The following FBN2 variants were observed in gnomAD, a reference collection of about 807,000 sequenced individuals.
The protein encoded by FBN2 is fibrillin-2.
In FBN2, 105 loss-of-function variants were observed where a neutral mutation model predicts 355.6. That is an observed-to-expected ratio of 0.30 (90% CI 0.25 to 0.35). The LOEUF (loss-of-function observed/expected upper bound fraction) is 0.35, where lower values mean the gene tolerates loss of function less well. Ranked by LOEUF, FBN2 falls within the 10% of genes least tolerant of loss-of-function variation. The pLI, the probability that FBN2 is intolerant of heterozygous loss-of-function variation, is 1.00. For synonymous variants in FBN2, 1,350 were observed against 1,301.2 expected, an observed-to-expected ratio of 1.04 and a Z score of -0.81; for missense variants, 3,280 against 3,758.7, an observed-to-expected ratio of 0.87 and a Z score of 3.33.
At chr5:128,424,590 T>C (rs188456496) in intron 7 of FBN2, among the ~76,000 whole-genome samples, 60 of 152,312 alleles carry the variant, frequency 3.9e-4, no homozygotes, top group Admixed American at 2.9e-3. Flanking sequence ...CTCTTTTCTA[T>C]TGTTATTAGT....
intron 4 of FBN2, 62 bp from the exon 5 acceptor site, chr5:128,519,430 G>A: frequency 8.4e-7 from 1 of 1,186,948 alleles, no homozygotes; most frequent in Admixed American, 1.7e-5. Flanking sequence ...ATATAGTAGT[G>A]CAGTGATGCT....
intron 62 of FBN2, among the ~76,000 whole-genome samples, chr5:128,264,948 T>A (rs188519148): frequency 6.6e-6 from 1 of 152,336 alleles, no homozygotes. Context: ...ATTAGGAACA[T>A]TTTTGTATCA....
chr5:128,489,101 G>T (rs1362448087), intron 5 of FBN2, among the ~76,000 whole-genome samples: 1 of 147,020 alleles, frequency 6.8e-6, no homozygotes, highest in East Asian at 1.9e-4. Flanking sequence ...GGTTGAACTA[G>T]TTTACAGTCC....
chr5:128,528,164 G>T (rs1284281514), intron 3 of FBN2, among the ~76,000 whole-genome samples, 197 bp from the exon 4 acceptor site: 1 of 152,110 alleles, frequency 6.6e-6, no homozygotes, highest in Non-Finnish European at 1.5e-5. Flanking sequence ...GTGATAACAT[G>T]TTTTTCAGGA....
At chr5:128,509,818 C>T (rs1375097084) in intron 5 of FBN2, among the ~76,000 whole-genome samples, 2 of 152,168 alleles carry the variant, frequency 1.3e-5, no homozygotes, top group African/African-American at 4.8e-5. Flanking sequence ...ATTGAGGCAA[C>T]ACTATTCTGA....
At chr5:128,449,555 G>A (rs1267666539) in intron 6 of FBN2, among the ~76,000 whole-genome samples, 2 of 150,532 alleles carry the variant, frequency 1.3e-5, no homozygotes, top group Non-Finnish European at 3.0e-5. Flanking sequence ...AATAAGCAGA[G>A]ATATAGCTAA....
intron 2 of FBN2, among the ~76,000 whole-genome samples, chr5:128,533,582 G>A (rs977699122): frequency 1.3e-5 from 2 of 152,174 alleles, no homozygotes; most frequent in African/African-American, 4.8e-5. Context: ...AGAATACATA[G>A]TACCCAAAAG....
intron 5 of FBN2, among the ~76,000 whole-genome samples, chr5:128,478,756 G>A (rs1029009652): frequency 1.3e-5 from 2 of 152,142 alleles, no homozygotes; most frequent in Non-Finnish European, 2.9e-5. Context: ...GCCAAAACAG[G>A]ATTCTGTGGT....
At position 128,537,577 on chromosome 5, in the gene FBN2, G is replaced by C. The variant is rs369714882; in HGVS notation, c.27C>G (p.Leu9=). ...AGCCCAGCCACAGGAAGTAGAGCTG[G>C]AGACACAGCCTCCGTCTTCTCCCCA... MGRRRRLC[L]QLYFLWLGCV... The change falls in exon 1 of 65, where the codon CTC becomes CTG. Residue 9 remains leucine, a synonymous_variant. Coordinates refer to ENST00000262464, the MANE Select transcript of FBN2 (RefSeq NM_001999.4). The C allele has an allele frequency of 3.2e-5, 52 of 1,606,990 alleles. No homozygotes were observed. The African/African-American group carries it at 5.5e-4, about 17-fold the overall frequency.
intron 32 of FBN2, among the ~76,000 whole-genome samples, chr5:128,331,665 T>C (rs902235558): frequency 1.2e-4 from 19 of 152,114 alleles, no homozygotes; most frequent in Non-Finnish European, 2.2e-4. Context: ...GGGATTCTTT[T>C]AGCATTCAGC....
chr5:128,343,430 G>A (rs1751084013), intron 25 of FBN2, among the ~76,000 whole-genome samples: 1 of 152,168 alleles, frequency 6.6e-6, no homozygotes, highest in African/African-American at 2.4e-5. Flanking sequence ...GATAGCCTTG[G>A]CTGAGGAGGC....
At chr5:128,421,532 A>G (rs757979279) in intron 7 of FBN2, among the ~76,000 whole-genome samples, 15 of 152,336 alleles carry the variant, frequency 9.8e-5, no homozygotes, top group Non-Finnish European at 2.2e-4. Flanking sequence ...TGAGTTACTA[A>G]TATCTAAAAA....
Position 128,263,622 on chromosome 5 carries a change from G to A in FBN2, c.7995C>T (p.Gly2665=), listed in dbSNP as rs1323076892. The A allele has an allele frequency of 1.9e-6, 3 of 1,613,996 alleles. No homozygotes were observed. ...ENECSNPNAC[G]SASCYNTLGS... is the part of the protein sequence containing the mutation. Reference sequence around the variant, plus strand: ...CCAGGGTGTTGTAGCAGGAAGCAGAGCCACAGGCATTGGGATTGGAGCATT... The same window carrying A: ...CCAGGGTGTTGTAGCAGGAAGCAGAACCACAGGCATTGGGATTGGAGCATT... The change falls in exon 63 of 65, where the codon GGC becomes GGT. Residue 2665 remains glycine (G), a synonymous_variant. Coordinates refer to ENST00000262464, the MANE Select transcript of FBN2 (RefSeq NM_001999.4).
chr5:128,464,475 T>G (rs1021377548), intron 6 of FBN2, among the ~76,000 whole-genome samples: 1 of 152,208 alleles, frequency 6.6e-6, no homozygotes, highest in East Asian at 1.9e-4. Context: ...GTATTAAATA[T>G]TTTACACTGT....
intron 3 of FBN2, 135 bp downstream of exon 3, chr5:128,530,451 GGTATTAACA>G (rs1191014126): frequency 1.5e-6 from 1 of 671,372 alleles, no homozygotes; most frequent in Non-Finnish European, 2.7e-6. Flanking sequence ...TGTAAAATGG[GGTATTAACA>G]GTATCTCATA....
At chr5:128,293,899 C>G (rs2126824636) in intron 48 of FBN2, among the ~76,000 whole-genome samples, 1 of 152,034 alleles carries the variant, frequency 6.6e-6, no homozygotes, top group South Asian at 2.1e-4. Flanking sequence ...AGGTTAGTTA[C>G]ATATGTATAC....
In FBN2 at chr5:128,393,157, C is replaced by T. The variant is rs923812426; in HGVS notation, c.1443G>A (p.Gln481=). The change falls in exon 10 of 65, where the codon CAG becomes CAA. Residue 481 remains glutamine, a synonymous_variant. Transcript: ENST00000262464. Reference sequence around the variant, plus strand: ...TACTTAGTCCAGTGATGATAGGTCCCTGTCCCCCGGCCCCCACACCGGCTC... The same window carrying T: ...TACTTAGTCCAGTGATGATAGGTCCTTGTCCCCCGGCCCCCACACCGGCTC... ...VGGAGVGAGG[Q]GPIITGLTIL... 2 of 1,614,052 alleles carry T rather than the reference C, an allele frequency of 1.2e-6. No individual in the cohort carries two copies. The highest frequency in any genetic ancestry group is 2.2e-5 in the South Asian group (2 of 91,088).
chr5:128,408,434 T>C (rs1752986536), intron 8 of FBN2, among the ~76,000 whole-genome samples: 1 of 152,222 alleles, frequency 6.6e-6, no homozygotes, highest in Non-Finnish European at 1.5e-5. Flanking sequence ...TGCCTTTGTG[T>C]CTTTCTTTAT....
chr5:128,261,890 A>G lies in FBN2; in HGVS notation c.8210T>C (p.Met2737Thr). The G allele has an allele frequency of 6.2e-7, 1 of 1,614,104 alleles. No individual in the cohort carries two copies. Among genetic ancestry groups the G allele is most frequent in the Non-Finnish European group, 8.5e-7 (1 of 1,179,934 alleles). Reference protein sequence around the residue: ...RVGQGHCVSGMGFNKGQYLSL... With the variant: ...RVGQGHCVSGTGFNKGQYLSL... The stretch of plus-strand genomic sequence containing the variant: ...CAGGTACTGCCCCTTGTTAAATCCC[A>G]TTCCTGAGACACAGTGGCTATTTGC... The change falls in exon 64 of 65, where the codon ATG (methionine) becomes ACG (threonine). Residue 2737 changes from methionine to threonine, a missense_variant. Transcript: ENST00000262464.
Sources: allele counts gnomAD v4.1 joint callset (sites outside exome capture counted in the v4.1 genomes callset), GRCh38; gene constraint gnomAD v4.1.1; transcripts MANE v1.5; gene names NCBI Gene and HGNC (gene_info 2026-07-23, HGNC 2026-07-21).